ARHGEF18: variants seen among roughly 807,000 people sequenced by gnomAD.
ARHGEF18 encodes the protein Rho/Rac guanine nucleotide exchange factor 18, also known as rho guanine nucleotide exchange factor 18.
A neutral mutation model predicts 155.7 loss-of-function variants in ARHGEF18; 93 were observed. The observed-to-expected ratio is 0.60, with a 90% CI of 0.50 to 0.71. ARHGEF18 has a LOEUF of 0.71. ARHGEF18 is among the 30% of genes least tolerant of loss of function. The probability of loss-of-function intolerance (pLI) is 0.00; values close to 1 mark genes in which losing one functional copy is unlikely to be tolerated. For synonymous variants in ARHGEF18, 742 were observed against 753.1 expected (o/e 0.99, Z 0.24); for missense variants, 1,593 against 1,816.1 (o/e 0.88, Z 2.23).
chr19:7,464,672 T>G lies in ARHGEF18; in HGVS notation c.2886T>G (p.Ser962=). 1 of 1,614,004 alleles carries G rather than the reference T, an allele frequency of 6.2e-7. No individual in the cohort carries two copies. The highest frequency in any genetic ancestry group is 8.5e-7 in the Non-Finnish European group (1 of 1,179,984). Residue 962 remains serine, a synonymous_variant, in exon 23 of 29, where the codon TCT becomes TCG. Transcript: ENST00000668164. Reference sequence around the variant, plus strand: ...GTGACAGTGACATTCCTGGGAGCTCTGAGGAATCGCCGCAGGTGGTACGTG... The same window carrying G: ...GTGACAGTGACATTCCTGGGAGCTCGGAGGAATCGCCGCAGGTGGTACGTG... The part of the protein sequence containing the change: ...KLSDSDIPGS[S]EESPQVVEAP...
intron 10 of ARHGEF18, among the ~76,000 whole-genome samples, chr19:7,428,886 G>A (rs890921787): frequency 1.3e-5 from 2 of 152,200 alleles, no homozygotes; most frequent in South Asian, 2.1e-4. Context: ...GGCTGAGCAC[G>A]TAGATCTGAT....
chr19:7,350,658 G>A (rs1969130753), intron 1 of ARHGEF18, among the ~76,000 whole-genome samples: 2 of 152,194 alleles, frequency 1.3e-5, no homozygotes, highest in Admixed American at 6.6e-5. Flanking sequence ...GGACAGCTGG[G>A]CGTTCAAATC....
At chr19:7,385,981 CCTCT>C (rs375525387) in intron 10 of ARHGEF18, among the ~76,000 whole-genome samples, 1,019 of 74,350 alleles carry the variant, frequency 0.014, 38 homozygotes, top group African/African-American at 0.051. Flanking sequence ...TCCCTCTCTC[CCTCT>C]CTCTCTCTCT....
chr19:7,376,532 C>T, intron 4 of ARHGEF18, 111 bp from the exon 5 acceptor site: 5 of 548,434 alleles, frequency 9.1e-6, no homozygotes, highest in Non-Finnish European at 1.4e-5. Flanking sequence ...GAGTGTGTCA[C>T]CCCATTTCTG....
chr19:7,384,842 C>T (rs972365467), intron 10 of ARHGEF18, among the ~76,000 whole-genome samples: 1 of 152,204 alleles, frequency 6.6e-6, no homozygotes, highest in East Asian at 1.9e-4. Context: ...CAGGTGTGCA[C>T]CACCATGCTT....
the ARHGEF18 span, chr19:7,478,186 G>T: frequency 2.0e-6 from 2 of 982,286 alleles, no homozygotes; most frequent in Non-Finnish European, 3.0e-6. Context: ...ACCAGAGGCT[G>T]TGATGACTCC....
At chr19:7,455,531 G>A (rs540487020) in intron 17 of ARHGEF18, among the ~76,000 whole-genome samples, 76 of 152,258 alleles carry the variant, frequency 5.0e-4, no homozygotes, top group Middle Eastern at 3.4e-3. Context: ...TGAGGGGCAC[G>A]AGGGGACTGA....
chr19:7,457,132 A>G (rs1975886300), intron 18 of ARHGEF18, among the ~76,000 whole-genome samples: 1 of 152,008 alleles, frequency 6.6e-6, no homozygotes. Flanking sequence ...TTATTGTCTC[A>G]TGTTTCTGCA....
downstream of ARHGEF18, among the ~76,000 whole-genome samples, chr19:7,474,270 G>A (rs181999387): frequency 1.6e-4 from 24 of 152,064 alleles, no homozygotes; most frequent in East Asian, 1.2e-3. Flanking sequence ...ACCCGGAGGC[G>A]GAGGTTGCAG....
intron 10 of ARHGEF18, among the ~76,000 whole-genome samples, chr19:7,394,374 G>A (rs77239504): frequency 0.023 from 3,427 of 151,942 alleles, 135 homozygotes; most frequent in African/African-American, 0.076. Context: ...TTTCTCAGGT[G>A]ACAGACCCTG....
intron 10 of ARHGEF18, among the ~76,000 whole-genome samples, chr19:7,403,751 G>A (rs1336259219): frequency 6.6e-6 from 1 of 151,846 alleles, no homozygotes; most frequent in Admixed American, 6.6e-5. Context: ...TGCCCAGGCT[G>A]GTCTTGAACT....
At chr19:7,459,193 G>A (rs1402364923) in intron 19 of ARHGEF18, among the ~76,000 whole-genome samples, 2 of 152,080 alleles carry the variant, frequency 1.3e-5, no homozygotes, top group Non-Finnish European at 2.9e-5. Context: ...TTACAGGCGT[G>A]AGCCACTGCG....
intron 15 of ARHGEF18, among the ~76,000 whole-genome samples, chr19:7,449,800 C>T (rs904644737): frequency 6.6e-6 from 1 of 152,128 alleles, no homozygotes; most frequent in African/African-American, 2.4e-5. Flanking sequence ...GTCTCTGCTT[C>T]CTGAATAGCT....
rs920709466 is a variant in ARHGEF18 at position 7,451,347 on chromosome 19, C to T, written c.1855+81C>T. 4 of 1,183,498 alleles carry T rather than the reference C, an allele frequency of 3.4e-6. No homozygotes were observed. The Admixed American group carries it at 9.1e-5, about 27-fold the overall frequency. 73.3% of individuals were successfully genotyped at this position (1,183,498 alleles called of 1,614,324 possible). On this transcript the variant is annotated intron_variant, in intron 16 of 28. Coordinates refer to ENST00000668164, the MANE Select transcript of ARHGEF18 (RefSeq NM_001367823.1). ...TCCGTGTACCCACTCCCTATTTGAG[C>T]AGCAAACTGAATAAATTCCCTTTGA...
At chr19:7,359,475 CACCAGGATTGGGGCTCAGTCTATGAT>C (rs962340157) in intron 1 of ARHGEF18, among the ~76,000 whole-genome samples, 3 of 146,248 alleles carry the variant, frequency 2.1e-5, no homozygotes, top group African/African-American at 5.6e-5. Context: ...CAGTCTATGA[CACCAGGATTGGGGCTCAGTCTATGAT>C]ACCAGGATAA....
rs955944147 is a variant in ARHGEF18 at position 7,469,122 on chromosome 19, G to C, written c.3778G>C (p.Glu1260Gln). The C allele has an allele frequency of 5.0e-6, 8 of 1,598,464 alleles. No individual in the cohort carries two copies. The highest frequency in any genetic ancestry group is 6.8e-6 in the Non-Finnish European group (8 of 1,173,552). ...CAAGAGCAGGGGCTCTCAGCGCTGG[G>C]AGAGCTCAGGTGAGCCGGCCCCACC... ...GGKSRGSQRW[E>Q]SSASFDLKQQ... is the part of the protein sequence containing the mutation. The change falls in exon 27 of 29, where the codon GAG (glutamate) becomes CAG (glutamine). Residue 1260 changes from glutamate to glutamine, a missense_variant. Transcript: ENST00000668164.
chr19:7,453,737 C>T lies in ARHGEF18; in HGVS notation c.2104+22C>T, dbSNP rs374178589. 155 of 1,518,566 alleles carry T rather than the reference C, an allele frequency of 1.0e-4. No homozygotes were observed. In the African/African-American group the frequency reaches 1.7e-3, roughly 17 times the overall value. 94.1% of individuals were successfully genotyped at this position (1,518,566 alleles called of 1,614,324 possible). ...AAAGGTAAAGGCCTGCCCCTGCCCA[C>T]CTCTAGTGGGTGCCATCTTGGATCA... On this transcript the variant is annotated intron_variant, in intron 17 of 28. Coordinates refer to ENST00000668164, the MANE Select transcript of ARHGEF18 (RefSeq NM_001367823.1).
At chr19:7,392,100 A>G (rs1275753494) in intron 10 of ARHGEF18, among the ~76,000 whole-genome samples, 2 of 151,322 alleles carry the variant, frequency 1.3e-5, no homozygotes, top group East Asian at 2.0e-4. Context: ...AATTAGCCAG[A>G]TGTAGTGGCG....
chr19:7,451,379 G>T, intron 16 of ARHGEF18, 113 bp downstream of exon 16: 54 of 717,408 alleles, frequency 7.5e-5, no homozygotes, highest in Non-Finnish European at 9.7e-5. Flanking sequence ...TTGAAATCCA[G>T]TTTGCTGGGT....
Sources: gnomAD v4.1 joint callset for allele counts (sites outside exome capture counted in the v4.1 genomes callset) on GRCh38, gnomAD v4.1.1 for gene constraint, MANE v1.5 for transcripts, NCBI Gene and HGNC (gene_info 2026-07-23, HGNC 2026-07-21) for gene names.